DCAKD: variants seen among roughly 807,000 people sequenced by gnomAD.
The protein encoded by DCAKD is dephospho-CoA kinase domain containing.
DCAKD carries 15 observed loss-of-function variants against 18.7 expected under a neutral mutation model. The ratio of observed to expected loss-of-function variants is 0.80; its 90% CI spans 0.54 to 1.24. DCAKD has a LOEUF of 1.24. Among genes scored for constraint, DCAKD ranks in the 50% most tolerant of loss-of-function variants. DCAKD has a pLI of 0.00. For missense variants in DCAKD, 301 were observed against 322.0 expected (o/e 0.93, Z 0.50); for synonymous variants, 130 against 133.0 (o/e 0.98, Z 0.16).
chr17:45,052,365 G>A (rs186415904), upstream of DCAKD, among the ~76,000 whole-genome samples: 36 of 151,888 alleles, frequency 2.4e-4, no homozygotes, highest in African/African-American at 7.9e-4. Flanking sequence ...GATTATCTCA[G>A]CCCGCACAGT....
At chr17:45,030,992 C>A (rs1019317389) in intron 3 of DCAKD, 19 of 985,300 alleles carry the variant, frequency 1.9e-5, no homozygotes, top group Non-Finnish European at 2.0e-5. Flanking sequence ...GCTCCTCGTT[C>A]TTTTTAGGTC....
intron 2 of DCAKD, 80 bp from the exon 3 acceptor site, chr17:45,034,470 G>T: frequency 6.6e-7 from 1 of 1,509,724 alleles, no homozygotes; most frequent in Non-Finnish European, 9.1e-7. Context: ...GGGGCAAAAT[G>T]ATGGGGGAAC....
chr17:45,046,432 A>G (rs1297153883), intron 1 of DCAKD, among the ~76,000 whole-genome samples: 1 of 152,018 alleles, frequency 6.6e-6, no homozygotes, highest in Admixed American at 6.6e-5. Context: ...CCTGGCCAAT[A>G]TGGTGAAACC....
At chr17:45,025,821 G>A (rs972570598) in intron 4 of DCAKD, among the ~76,000 whole-genome samples, 2 of 139,786 alleles carry the variant, frequency 1.4e-5, no homozygotes, top group African/African-American at 5.4e-5. Flanking sequence ...GCGTGATCTT[G>A]GCTCACTGCA....
chr17:45,028,673 G>T (rs906113205), intron 4 of DCAKD, among the ~76,000 whole-genome samples: 6 of 151,146 alleles, frequency 4.0e-5, no homozygotes, highest in African/African-American at 1.5e-4. Context: ...GCCTCCCAAA[G>T]TGCTGGGATT....
chr17:45,031,554 G>A, intron 3 of DCAKD: 1 of 985,370 alleles, frequency 1.0e-6, no homozygotes, highest in Non-Finnish European at 1.2e-6. Context: ...GATAGTTACT[G>A]TTGCAGGGGG....
At chr17:45,043,266 A>T (rs1262188503) in intron 1 of DCAKD, among the ~76,000 whole-genome samples, 2 of 152,068 alleles carry the variant, frequency 1.3e-5, no homozygotes, top group African/African-American at 4.8e-5. Context: ...CAAAAAAAAA[A>T]AAAAGATCTG....
At position 45,024,332 on chromosome 17, in the gene DCAKD, TGTGTGTGGGG is replaced by T. The variant is rs753814796; in HGVS notation, c.*91_*100del. 1.3e-3 allele frequency: 165 copies of T among 122,662 alleles called. 3 individuals carry two copies. The highest frequency in any genetic ancestry group is 7.7e-3 in the Middle Eastern group (3 of 390). The allele number at this position is 122,662 out of a possible 1,614,324, so 7.6% of individuals were successfully genotyped here. ...GTGTGTGTGTGTGTGTGTGTGTGTG[TGTGTGTGGGG>T]AGGGGGCTGAGAGGAAACAGGATGT... On this transcript the variant is annotated 3_prime_UTR_variant, in exon 5 of 5. Coordinates refer to ENST00000651974, the MANE Select transcript of DCAKD (RefSeq NM_001288655.2).
chr17:45,052,351 G>C (rs1306250042), upstream of DCAKD, among the ~76,000 whole-genome samples: 1 of 152,156 alleles, frequency 6.6e-6, no homozygotes, highest in Non-Finnish European at 1.5e-5. Context: ...AGAGCACTTT[G>C]TGGGATTATC....
chr17:45,047,884 C>A (rs750167366), intron 1 of DCAKD, among the ~76,000 whole-genome samples: 3 of 152,070 alleles, frequency 2.0e-5, no homozygotes, highest in Non-Finnish European at 4.4e-5. Context: ...GCATAAGCCA[C>A]CACACCCGGC....
intron 1 of DCAKD, among the ~76,000 whole-genome samples, chr17:45,045,704 C>T (rs147530890): frequency 0.01 from 1,528 of 149,640 alleles, 31 homozygotes; most frequent in African/African-American, 0.036. Context: ...TGCGCTCCAG[C>T]CTGAGCAACA....
At chr17:45,024,959 GGCT>G (rs1486515870) in intron 4 of DCAKD, among the ~76,000 whole-genome samples, 1 of 151,710 alleles carries the variant, frequency 6.6e-6, no homozygotes, top group African/African-American at 2.4e-5. Flanking sequence ...GAGCTCTATG[GGCT>G]ACGGAAGCCC....
In DCAKD at chr17:45,034,394, T is replaced by A. The variant is rs750212915; in HGVS notation, c.113-4A>T. The A allele has an allele frequency of 1.2e-6, 2 of 1,613,430 alleles. No homozygotes were observed. Among genetic ancestry groups the A allele is most frequent in the Middle Eastern group, 1.7e-4 (1 of 6,060 alleles). On this transcript the variant is annotated splice_polypyrimidine_tract_variant and splice_region_variant and intron_variant, in intron 2 of 4. Coordinates refer to ENST00000651974, the MANE Select transcript of DCAKD (RefSeq NM_001288655.2). Reference sequence around the variant, plus strand: ...GCAGGGTATCCTGGCTGCACGACTGTGGCAGGAGGAAGAAGCTGGGTCACT... The same window carrying A: ...GCAGGGTATCCTGGCTGCACGACTGAGGCAGGAGGAAGAAGCTGGGTCACT...
upstream of DCAKD, among the ~76,000 whole-genome samples, chr17:45,053,816 G>A (rs1037138628): frequency 6.6e-6 from 1 of 152,134 alleles, no homozygotes; most frequent in Non-Finnish European, 1.5e-5. Flanking sequence ...ACCCACCTCG[G>A]CCTCCCAAAG....
At chr17:45,037,907 C>T (rs562678928) in intron 1 of DCAKD, among the ~76,000 whole-genome samples, 3 of 151,714 alleles carry the variant, frequency 2.0e-5, no homozygotes, top group Admixed American at 6.6e-5. Context: ...GCTGGGATTA[C>T]AGGTGCCCAC....
chr17:45,026,218 C>CTTTTTTTTTTTTTTT (rs1180056946), intron 4 of DCAKD, among the ~76,000 whole-genome samples: 1 of 109,166 alleles, frequency 9.2e-6, no homozygotes, highest in Non-Finnish European at 1.9e-5. Context: ...CGCGCCTGGA[C>CTTTTTTTTTTTTTTT]TTTTTTTTTT....
intron 1 of DCAKD, chr17:45,060,851 C>T (rs2143432716): frequency 5.2e-6 from 1 of 192,846 alleles, no homozygotes; most frequent in Non-Finnish European, 9.7e-6. Context: ...CGGCTCCAGG[C>T]AGGTAGCACC....
At chr17:45,048,297 G>A (rs1409407344) in intron 1 of DCAKD, among the ~76,000 whole-genome samples, 1 of 151,698 alleles carries the variant, frequency 6.6e-6, no homozygotes, top group African/African-American at 2.4e-5. Flanking sequence ...GAGGCCAGGA[G>A]TTTGAGACCA....
chr17:45,047,437 C>G (rs2053594296), intron 1 of DCAKD, among the ~76,000 whole-genome samples: 2 of 151,676 alleles, frequency 1.3e-5, no homozygotes, highest in Non-Finnish European at 2.9e-5. Context: ...CATGCACCAA[C>G]ACGCCCGGCT....
Sources: allele counts gnomAD v4.1 joint callset (sites outside exome capture counted in the v4.1 genomes callset), GRCh38; gene constraint gnomAD v4.1.1; transcripts MANE v1.5; gene names NCBI Gene and HGNC (gene_info 2026-07-23, HGNC 2026-07-21).